GGT5: variants seen among roughly 807,000 people sequenced by gnomAD.
The protein encoded by GGT5 is glutathione hydrolase 5 proenzyme.
GGT5 carries 50 observed loss-of-function variants against 58.1 expected under a neutral mutation model. The observed-to-expected ratio is 0.86, with a 90% CI of 0.69 to 1.09. The LOEUF (loss-of-function observed/expected upper bound fraction) is 1.09, where lower values mean the gene tolerates loss of function less well. GGT5 is among the 50% of genes least tolerant of loss of function. The pLI, the probability that GGT5 is intolerant of heterozygous loss-of-function variation, is 0.00. For synonymous variants in GGT5, 370 were observed against 346.1 expected (o/e 1.07, Z -0.77); for missense variants, 800 against 789.4 (o/e 1.01, Z -0.16).
At position 24,232,120 on chromosome 22, in the gene GGT5, T is replaced by C. The variant is rs1301157043; in HGVS notation, c.685A>G (p.Thr229Ala). The C allele has an allele frequency of 6.2e-7, 1 of 1,606,250 alleles. No homozygotes were observed. The highest frequency in any genetic ancestry group is 8.5e-7 in the Non-Finnish European group (1 of 1,175,692). ...ALATTLETVA[T>A]EGVEVFYTGR... ...GTGTAGAAGACCTCCACGCCCTCTG[T>C]GGCCACGGTCTCCAGGGTGGTGGCC... Residue 229 changes from threonine to alanine, a missense_variant, in exon 5 of 12, where the codon ACA (threonine) becomes GCA (alanine). Coordinates refer to ENST00000327365, the MANE Select transcript of GGT5 (RefSeq NM_004121.5).
At chr22:24,237,817 A>G (rs1458174127) in intron 1 of GGT5, among the ~76,000 whole-genome samples, 2 of 152,236 alleles carry the variant, frequency 1.3e-5, no homozygotes, top group African/African-American at 4.8e-5. Context: ...AACTTTTAAA[A>G]AGGTCCATAG....
chr22:24,234,674 G>A (rs946980231), intron 1 of GGT5, among the ~76,000 whole-genome samples: 4 of 152,102 alleles, frequency 2.6e-5, no homozygotes, highest in Admixed American at 1.3e-4. Flanking sequence ...ACAAAAATTA[G>A]CTGAATGTGA....
In GGT5 at chr22:24,228,048, C is replaced by CAAAAAAAAAAAAAAAA. The variant is rs1273239063; in HGVS notation, c.902-1297_902-1282dup. On this transcript the variant is annotated intron_variant, in intron 6 of 11. Coordinates refer to ENST00000327365, the MANE Select transcript of GGT5 (RefSeq NM_004121.5). ...TAGTAAACAGAGCAAGACTCTGTCTCAAAAAAAAAAAAAAAAAACAAAACA... is the reference window on the plus strand; with the variant it reads ...TAGTAAACAGAGCAAGACTCTGTCTCAAAAAAAAAAAAAAAAAAAAAAAAAAAAAAAAAACAAAACA... Among the ~76,000 whole-genome samples the CAAAAAAAAAAAAAAAA allele has an allele frequency of 5.3e-3, 117 of 21,894 alleles. 4 individuals carry two copies. Among genetic ancestry groups the CAAAAAAAAAAAAAAAA allele is most frequent in the Non-Finnish European group, 7.6e-3 (84 of 11,084 alleles). 14.4% of individuals were successfully genotyped at this position (21,894 alleles called of 152,430 possible).
chr22:24,226,873 A>G (rs1449789469), intron 6 of GGT5, 106 bp from the exon 7 acceptor site: 1 of 875,430 alleles, frequency 1.1e-6, no homozygotes, highest in Non-Finnish European at 1.9e-6. Flanking sequence ...CCTAATTCCC[A>G]AAACCTGTGG....
chr22:24,225,640 C>T lies in GGT5; in HGVS notation c.1242G>A (p.Met414Ile). ...TGATGCCTGTCCGTGGTGAATACAC[C>T]ATCGCTCCAAAGCTGCAGCCGTGGA... ...TSTINTPFGAMVYSPRTGIIL... is the reference protein window; with the variant it reads ...TSTINTPFGAIVYSPRTGIIL... Residue 414 changes from methionine to isoleucine, a missense_variant, in exon 9 of 12, where the codon ATG becomes ATA. Coordinates refer to ENST00000327365, the MANE Select transcript of GGT5 (RefSeq NM_004121.5). 6.2e-7 allele frequency: 1 copy of T among 1,609,558 alleles called. No homozygotes were observed. The highest frequency in any genetic ancestry group is 1.1e-5 in the South Asian group (1 of 90,918).
chr22:24,233,685 A>G (rs2048017785), intron 2 of GGT5, 92 bp from the exon 3 acceptor site: 3 of 881,228 alleles, frequency 3.4e-6, no homozygotes, highest in Admixed American at 4.9e-5. Context: ...GCATTATGAG[A>G]TGGACTCTGG....
rs1402280176 is a variant in GGT5 at position 24,238,805 on chromosome 22, ATAATATATTATATATATATATATATAT to A, written c.174-4828_174-4802del. ...ATATATATTATATATTTATATATATATAATATATTATATATATATATATATATTTATATATATATATTATATATATTA... is the reference window on the plus strand; with the variant it reads ...ATATATATTATATATTTATATATATATTATATATATATATTATATATATTA... On this transcript the variant is annotated intron_variant, in intron 1 of 11. Transcript: ENST00000327365. 3.6e-3 allele frequency among the ~76,000 whole-genome samples: 10 copies of A among 2,816 alleles called. 1 individual carries two copies. The highest frequency in any genetic ancestry group is 0.014 in the African/African-American group (8 of 556). The allele number at this position is 2,816 out of a possible 152,430, so 1.8% of individuals were successfully genotyped here. A position where few individuals can be genotyped will look rare whatever the true frequency, so the allele number is the denominator to read the frequency against.
rs548888072 is a variant in GGT5, at chr22:24,244,445, C to T, written c.173+108G>A. The T allele has an allele frequency of 3.9e-5, 37 of 952,528 alleles. No homozygotes were observed. The East Asian group carries it at 7.9e-4, about 20-fold the overall frequency. 59.0% of individuals were successfully genotyped at this position (952,528 alleles called of 1,614,324 possible). On this transcript the variant is annotated intron_variant, in intron 1 of 11. Transcript: ENST00000327365. ...GCAATCACACATACCCAGACACTCA[C>T]ACACACACCCACACATACATTCACT...
intron 11 of GGT5, among the ~76,000 whole-genome samples, chr22:24,223,405 T>C (rs1486655958): frequency 1.3e-5 from 2 of 150,162 alleles, no homozygotes; most frequent in African/African-American, 2.5e-5. Flanking sequence ...TCTAAAAAAA[T>C]AAAAATAAAA....
rs145341493 is a variant in GGT5, at chr22:24,239,544, G to T, written c.173+5009C>A. 5.0e-3 allele frequency among the ~76,000 whole-genome samples: 747 copies of T among 148,600 alleles called. 7 individuals carry two copies. The highest frequency in any genetic ancestry group is 0.017 in the African/African-American group (666 of 38,602). ...AAGCAGGAAAGAGTATACATGAAAT[G>T]AGCTTGGCCATAAGATTGTTGTTGA... On this transcript the variant is annotated intron_variant, in intron 1 of 11. Transcript: ENST00000327365.
intron 1 of GGT5, among the ~76,000 whole-genome samples, chr22:24,238,946 A>AT (rs1369959696): frequency 2.5e-5 from 1 of 40,544 alleles, no homozygotes; most frequent in African/African-American, 1.0e-4. Context: ...TATAATATAT[A>AT]TATATATATA....
chr22:24,226,160 C>T lies in GGT5; in HGVS notation c.1145G>A (p.Trp382Ter). The change falls in exon 8 of 12, where the codon TGG (tryptophan) becomes TAG (stop). Residue 382 changes from tryptophan (W) to a stop codon, truncating the protein, a stop_gained. Coordinates refer to ENST00000327365, the MANE Select transcript of GGT5 (RefSeq NM_004121.5). LOFTEE classifies it high-confidence loss of function. Reference protein sequence around the residue: ...QLSHYSLAEAWGHGTGTSHVS... With the variant: ...QLSHYSLAEA ...ATGGGACGTGCCTGTCCCGTGGCCC[C>T]AGGCCTCGGCCAAGCTGTAGTGGCT... 6.2e-7 allele frequency: 1 copy of T among 1,611,236 alleles called. No homozygotes were observed. The highest frequency in any genetic ancestry group is 8.5e-7 in the Non-Finnish European group (1 of 1,179,836).
At chr22:24,231,215 C>G (rs949710461) in intron 6 of GGT5, among the ~76,000 whole-genome samples, 169 bp downstream of exon 6, 1 of 152,182 alleles carries the variant, frequency 6.6e-6, no homozygotes, top group African/African-American at 2.4e-5. Flanking sequence ...AACCCACCAT[C>G]CTGATTGGTT....
Position 24,226,076 on chromosome 22 carries a change from G to C in GGT5, c.1229C>G (p.Pro410Arg). ...CCGCCTTCCCCCAGGCCCTACGCAC[G>C]GTGTGTTGATGGTGCTGGTGGCAGC... is the stretch of plus-strand genomic sequence containing the variant. ...AVAATSTINT[P>R]FGAMVYSPRT... The change falls in exon 8 of 12, where the codon CCC becomes CGC. Residue 410 changes from proline (P) to arginine (R), a missense_variant and splice_region_variant. Coordinates refer to ENST00000327365, the MANE Select transcript of GGT5 (RefSeq NM_004121.5). 6.3e-7 allele frequency: 1 copy of C among 1,583,976 alleles called. No individual in the cohort carries two copies. Among genetic ancestry groups the C allele is most frequent in the Non-Finnish European group, 8.6e-7 (1 of 1,161,678 alleles).
Position 24,220,032 on chromosome 22 carries a change from C to T in GGT5, c.1699G>A (p.Glu567Lys), listed in dbSNP as rs770269730. 6.2e-7 allele frequency: 1 copy of T among 1,614,162 alleles called. No homozygotes were observed. Among genetic ancestry groups the T allele is most frequent in the Non-Finnish European group, 8.5e-7 (1 of 1,179,998 alleles). ...FLNVVQAVSQ[E>K]GACVYAVSDL... ...GAGACGGCGTACACACAGGCCCCCT[C>T]CTGGGACACAGCCTGGACCACGTTC... is the stretch of plus-strand genomic sequence containing the variant. Residue 567 changes from glutamate (E) to lysine (K), a missense_variant, in exon 12 of 12, where the codon GAG (glutamate) becomes AAG (lysine). Coordinates refer to ENST00000327365, the MANE Select transcript of GGT5 (RefSeq NM_004121.5).
At chr22:24,229,282 C>T (rs548819749) in intron 6 of GGT5, among the ~76,000 whole-genome samples, 1 of 150,510 alleles carries the variant, frequency 6.6e-6, no homozygotes, top group Non-Finnish European at 1.5e-5. Context: ...TGGCAGGCGC[C>T]TGTAATCCCA....
intron 11 of GGT5, among the ~76,000 whole-genome samples, chr22:24,222,721 A>T (rs1047551949): frequency 1.3e-5 from 2 of 152,160 alleles, no homozygotes; most frequent in African/African-American, 2.4e-5. Context: ...TCAGCATTTC[A>T]CGTCCCCAGG....
chr22:24,222,941 G>C (rs1047551833), intron 11 of GGT5, among the ~76,000 whole-genome samples: 1 of 152,166 alleles, frequency 6.6e-6, no homozygotes, highest in Non-Finnish European at 1.5e-5. Context: ...GCCGAGCGTG[G>C]TGGTGGGTGC....
chr22:24,238,926 A>T (rs1401447380), intron 1 of GGT5, among the ~76,000 whole-genome samples: 2 of 20,538 alleles, frequency 9.7e-5, no homozygotes, highest in East Asian at 3.0e-3. Context: ...TATATATATA[A>T]TATATATTAT....
Sources: allele counts gnomAD v4.1 joint callset (sites outside exome capture counted in the v4.1 genomes callset), GRCh38; gene constraint gnomAD v4.1.1; transcripts MANE v1.5; gene names NCBI Gene and HGNC (gene_info 2026-07-23, HGNC 2026-07-21).